THSD7B: variants seen among roughly 807,000 people sequenced by gnomAD.
The protein encoded by THSD7B is thrombospondin type 1 domain containing 7B, also known as thrombospondin type-1 domain-containing protein 7B.
In THSD7B, 138 loss-of-function variants were observed where a neutral mutation model predicts 213.6. That is an observed-to-expected ratio of 0.65 (90% confidence interval 0.56 to 0.74). The LOEUF is 0.74. Among genes scored for constraint, THSD7B ranks in the 30% least tolerant of loss-of-function variants. The pLI is 0.00. For missense variants in THSD7B, 1,931 were observed against 1,991.5 expected (o/e 0.97, Z 0.58); for synonymous variants, 742 against 687.0 (o/e 1.08, Z -1.25).
chr2:137,254,570 A>C (rs1248619612), intron 10 of THSD7B, among the ~76,000 whole-genome samples: 1 of 152,144 alleles, frequency 6.6e-6, no homozygotes, highest in African/African-American at 2.4e-5. Flanking sequence ...CTTTTTTAGA[A>C]TCTAACAGAC....
At chr2:136,962,673 A>T (rs1268238993) in intron 2 of THSD7B, among the ~76,000 whole-genome samples, 3 of 152,118 alleles carry the variant, frequency 2.0e-5, no homozygotes, top group East Asian at 3.9e-4. Flanking sequence ...GCCTTGAGAA[A>T]CTACTCCTAG....
At chr2:137,215,816 T>C (rs1681226702) in intron 7 of THSD7B, among the ~76,000 whole-genome samples, 1 of 152,198 alleles carries the variant, frequency 6.6e-6, no homozygotes, top group Admixed American at 6.5e-5. Flanking sequence ...TTCTCTAAGA[T>C]ACTGAAAGCA....
At chr2:136,928,706 C>G (rs968914787) in intron 2 of THSD7B, among the ~76,000 whole-genome samples, 2 of 151,934 alleles carry the variant, frequency 1.3e-5, no homozygotes, top group Non-Finnish European at 2.9e-5. Flanking sequence ...TTGAGGAAGT[C>G]TAACATTAAA....
chr2:137,378,294 A>G (rs1341142729), intron 12 of THSD7B, among the ~76,000 whole-genome samples: 1 of 152,212 alleles, frequency 6.6e-6, no homozygotes, highest in Non-Finnish European at 1.5e-5. Flanking sequence ...TCTTTGTAGA[A>G]GGAAAGACTT....
At chr2:137,460,643 A>G (rs1687866073) in intron 15 of THSD7B, among the ~76,000 whole-genome samples, 1 of 152,128 alleles carries the variant, frequency 6.6e-6, no homozygotes, top group South Asian at 2.1e-4. Context: ...CCTAATGACA[A>G]AAAGTAATAT....
chr2:137,600,444 A>G (rs759512074), intron 17 of THSD7B, among the ~76,000 whole-genome samples: 50 of 152,320 alleles, frequency 3.3e-4, no homozygotes, highest in South Asian at 8.3e-4. Flanking sequence ...ATATTTTTAA[A>G]AGTTAACTAC....
At chr2:137,243,966 C>T (rs190006073) in intron 10 of THSD7B, among the ~76,000 whole-genome samples, 14 of 152,258 alleles carry the variant, frequency 9.2e-5, no homozygotes, top group Admixed American at 4.6e-4. Flanking sequence ...GGGATGGAAA[C>T]GACAATCTCT....
At chr2:137,215,756 T>G (rs931690456) in intron 7 of THSD7B, among the ~76,000 whole-genome samples, 7 of 152,204 alleles carry the variant, frequency 4.6e-5, no homozygotes, top group Non-Finnish European at 7.4e-5. Context: ...AATTAGCTCT[T>G]TGACTACTTT....
rs553897965 is a variant in THSD7B, at chr2:137,392,272, T to C, written c.2501-13341T>C. The stretch of plus-strand genomic sequence containing the variant: ...AAATATCTGTTAGGTTCATTTAGTC[T>C]AAAGTCCAATTCACATCCATTGTTT... On this transcript the variant is annotated intron_variant, in intron 12 of 27. Transcript: ENST00000409968. Among the ~76,000 whole-genome samples, 24 of 152,350 alleles carry C rather than the reference T, an allele frequency of 1.6e-4. No individual in the cohort carries two copies. In the South Asian group the frequency reaches 4.6e-3, roughly 29 times the overall value.
intron 14 of THSD7B, among the ~76,000 whole-genome samples, chr2:137,426,310 C>T (rs1472204961): frequency 6.6e-6 from 1 of 151,202 alleles, no homozygotes; most frequent in Admixed American, 6.6e-5. Context: ...GCACTTTTCA[C>T]AAAAATAGAA....
At chr2:136,893,388 C>G (rs1411024756) in intron 2 of THSD7B, among the ~76,000 whole-genome samples, 1 of 152,136 alleles carries the variant, frequency 6.6e-6, no homozygotes, top group Admixed American at 6.5e-5. Flanking sequence ...TTTTTGGCAC[C>G]TGGAAATGTC....
chr2:137,504,879 A>C (rs1363337867), intron 15 of THSD7B, among the ~76,000 whole-genome samples: 2 of 152,188 alleles, frequency 1.3e-5, no homozygotes, highest in Admixed American at 6.5e-5. Context: ...AATGTATTAG[A>C]GAAAACGACT....
At chr2:137,557,243 T>A (rs1680993208) in intron 15 of THSD7B, among the ~76,000 whole-genome samples, 2 of 152,158 alleles carry the variant, frequency 1.3e-5, no homozygotes, top group African/African-American at 4.8e-5. Context: ...ATATACATTC[T>A]TCTCAGAACC....
chr2:136,909,908 CATA>C (rs1684229025), intron 2 of THSD7B, among the ~76,000 whole-genome samples: 2 of 152,086 alleles, frequency 1.3e-5, no homozygotes, highest in Admixed American at 6.6e-5. Flanking sequence ...AGATTACTGG[CATA>C]ATGGGAGGGC....
chr2:136,862,990 T>C (rs184634809), intron 1 of THSD7B, among the ~76,000 whole-genome samples: 4 of 152,338 alleles, frequency 2.6e-5, no homozygotes, highest in African/African-American at 9.6e-5. Flanking sequence ...TTGCTTACGC[T>C]TTCTCTCCAA....
chr2:136,964,443 A>G (rs1050578562), intron 2 of THSD7B, among the ~76,000 whole-genome samples: 1 of 152,050 alleles, frequency 6.6e-6, no homozygotes, highest in Non-Finnish European at 1.5e-5. Context: ...AAATAAAAGG[A>G]AAGAGCAGAG....
intron 14 of THSD7B, among the ~76,000 whole-genome samples, chr2:137,419,622 G>A (rs968064716): frequency 1.3e-5 from 2 of 151,646 alleles, no homozygotes; most frequent in African/African-American, 4.8e-5. Context: ...ACCACTCAAA[G>A]GTGGGCACAA....
intron 15 of THSD7B, among the ~76,000 whole-genome samples, chr2:137,481,734 C>A (rs1688309000): frequency 6.6e-6 from 1 of 152,118 alleles, no homozygotes; most frequent in Non-Finnish European, 1.5e-5. Flanking sequence ...AACCCACATC[C>A]CACTCCCCAG....
chr2:137,485,448 G>A (rs563787606), intron 15 of THSD7B, among the ~76,000 whole-genome samples: 1 of 152,124 alleles, frequency 6.6e-6, no homozygotes, highest in Admixed American at 6.5e-5. Flanking sequence ...TTTGAAGTCA[G>A]GTATCATGAT....
Sources: gnomAD v4.1 joint callset for allele counts (sites outside exome capture counted in the v4.1 genomes callset) on GRCh38, gnomAD v4.1.1 for gene constraint, MANE v1.5 for transcripts, NCBI Gene and HGNC (gene_info 2026-07-23, HGNC 2026-07-21) for gene names.